Variants in DMD observed in about 807,000 individuals in gnomAD.
DMD encodes dystrophin.
DMD carries 63 observed loss-of-function variants against 330.1 expected under a neutral mutation model. The observed-to-expected ratio is 0.19, with a 90% confidence interval of 0.16 to 0.24. The LOEUF (loss-of-function observed/expected upper bound fraction) is 0.24, where lower values mean the gene tolerates loss of function less well. DMD is among the 10% of genes least tolerant of loss of function. The pLI, the probability that DMD is intolerant of heterozygous loss-of-function variation, is 1.00. For synonymous variants in DMD, 1,223 were observed against 959.8 expected (o/e 1.27, Z -5.07); for missense variants, 3,344 against 2,684.1 (o/e 1.25, Z -5.43).
chrX:32,503,754 C>A (rs1471519451), intron 18 of DMD, among the ~76,000 whole-genome samples: 1 of 110,967 alleles, frequency 9.0e-6, no homozygotes, highest in Non-Finnish European at 1.9e-5. Context: ...CAGGGTTTCA[C>A]CATGTTGGCC....
At chrX:32,384,789 T>C (rs867383361) in intron 33 of DMD, among the ~76,000 whole-genome samples, 2 of 111,195 alleles carry the variant, frequency 1.8e-5, no homozygotes, top group African/African-American at 3.2e-5. Flanking sequence ...GATGTTGTTC[T>C]ATTCACTAAA....
chrX:31,938,370 A>C lies in DMD; in HGVS notation c.6615-6143T>G, dbSNP rs753285549. Among the ~76,000 whole-genome samples the C allele has an allele frequency of 2.1e-3, 237 of 112,182 alleles. 2 individuals carry two copies. Among genetic ancestry groups the C allele is most frequent in the African/African-American group, 7.4e-3 (228 of 30,951 alleles). On this transcript the variant is annotated intron_variant, in intron 45 of 78. Coordinates refer to ENST00000357033, the MANE Select transcript of DMD (RefSeq NM_004006.3). The stretch of plus-strand genomic sequence containing the variant: ...TCCAAGTTTTTTGATCACCTTTAAC[A>C]TAGAAACTTTAGAAAATGGAGATAC...
At chrX:32,156,365 C>T (rs1459269527) in intron 44 of DMD, among the ~76,000 whole-genome samples, 1 of 111,989 alleles carries the variant, frequency 8.9e-6, no homozygotes, top group African/African-American at 3.2e-5. Flanking sequence ...GGCGACAGAG[C>T]GAGACTTCGT....
chrX:32,645,089 C>G lies in DMD; in HGVS notation c.1024G>C (p.Asp342His). The G allele has an allele frequency of 8.3e-7, 1 of 1,211,460 alleles. No homozygotes were observed. Among genetic ancestry groups the G allele is most frequent in the Non-Finnish European group, 1.1e-6 (1 of 895,424 alleles). Residue 342 changes from aspartate to histidine, a missense_variant, in exon 10 of 79, where the codon GAC becomes CAC. Asp to His is a moderately conservative substitution (Grantham distance 81). Coordinates refer to ENST00000357033, the MANE Select transcript of DMD (RefSeq NM_004006.3). ...SSLMESEVNL[D>H]RYQTALEEVL... ...TCTTCTAAAGCTGTTTGATAACGGT[C>G]CAGGTTTACTTCACTCTCCATCAAT...
In DMD at chrX:31,603,208, T is replaced by C. The variant is rs1001616074; in HGVS notation, c.8217+24465A>G. On this transcript the variant is annotated intron_variant, in intron 55 of 78. Transcript: ENST00000357033. Reference sequence around the variant, plus strand: ...ATAGCTAAACCATTTCCAGCCATGATTGGCCAAACCCTACCAAACTGCAGC... The same window carrying C: ...ATAGCTAAACCATTTCCAGCCATGACTGGCCAAACCCTACCAAACTGCAGC... Among the ~76,000 whole-genome samples, 6 of 110,846 alleles carry C rather than the reference T, an allele frequency of 5.4e-5. No individual in the cohort carries two copies. The East Asian group carries it at 1.1e-3, about 21-fold the overall frequency.
intron 1 of DMD, among the ~76,000 whole-genome samples, chrX:33,299,394 C>G (rs140553802): frequency 0.051 from 5,725 of 111,187 alleles, 220 homozygotes; most frequent in Admixed American, 0.17. Flanking sequence ...ATTACATGAG[C>G]TAATGTTTAT....
At chrX:33,061,194 C>G (rs1423599424) in intron 1 of DMD, among the ~76,000 whole-genome samples, 1 of 112,134 alleles carries the variant, frequency 8.9e-6, no homozygotes, top group African/African-American at 3.2e-5. Context: ...GCTCTTGTTA[C>G]GTTATTCTCT....
chrX:31,221,975 A>G (rs12849351), intron 64 of DMD, among the ~76,000 whole-genome samples: 55,526 of 109,039 alleles, frequency 0.51, 12,688 homozygotes, highest in African/African-American at 0.9. Flanking sequence ...GGCGGATCAC[A>G]AGGTCAGGAG....
intron 34 of DMD, among the ~76,000 whole-genome samples, chrX:32,367,284 T>A (rs2147284145): frequency 9.0e-6 from 1 of 111,576 alleles, no homozygotes; most frequent in African/African-American, 3.3e-5. Flanking sequence ...GGTAGAGAAG[T>A]CCCCATCCTT....
chrX:32,731,349 T>A (rs2067613744), intron 7 of DMD, among the ~76,000 whole-genome samples: 1 of 112,382 alleles, frequency 8.9e-6, no homozygotes, highest in South Asian at 3.7e-4. Flanking sequence ...GCACCCGCCA[T>A]TGCCTAGGCT....
intron 51 of DMD, among the ~76,000 whole-genome samples, chrX:31,750,133 A>G (rs770742896): frequency 7.0e-4 from 77 of 110,098 alleles, no homozygotes; most frequent in African/African-American, 2.5e-3. Context: ...TGCTGTGCAG[A>G]AGCTCTTTAG....
intron 29 of DMD, among the ~76,000 whole-genome samples, chrX:32,422,422 C>T (rs1252401910): frequency 1.8e-5 from 2 of 111,287 alleles, no homozygotes. Context: ...TTGAGAAGGT[C>T]TATGAAGACC....
At chrX:32,096,193 C>T (rs999542570) in intron 44 of DMD, among the ~76,000 whole-genome samples, 1 of 111,662 alleles carries the variant, frequency 9.0e-6, no homozygotes, top group Non-Finnish European at 1.9e-5. Flanking sequence ...TTTAATCATC[C>T]CCCAAACCTC....
Position 32,054,132 on chromosome X carries a change from AGAG to A in DMD, c.6439-85621_6439-85619del, listed in dbSNP as rs1365477963. ...GAGAGAGAGAGAGAGAGAGAGAGAG[AGAG>A]AAGAGGACTGAGGAACCAAAAAGAA... On this transcript the variant is annotated intron_variant, in intron 44 of 78. Coordinates refer to ENST00000357033, the MANE Select transcript of DMD (RefSeq NM_004006.3). Among the ~76,000 whole-genome samples, 619 of 100,460 alleles carry A rather than the reference AGAG, an allele frequency of 6.2e-3. 6 individuals are homozygous for A. The highest frequency in any genetic ancestry group is 0.011 in the Non-Finnish European group (540 of 50,005). 87.2% of individuals were successfully genotyped at this position (100,460 alleles called of 115,157 possible). A position where few individuals can be genotyped will look rare whatever the true frequency, so the allele number is the denominator to read the frequency against.
intron 1 of DMD, among the ~76,000 whole-genome samples, chrX:33,151,352 CTT>C (rs1399723103): frequency 8.9e-6 from 1 of 112,533 alleles, no homozygotes; most frequent in Non-Finnish European, 1.9e-5. Flanking sequence ...TAGCTGCTGA[CTT>C]TTCACTAATG....
intron 1 of DMD, among the ~76,000 whole-genome samples, chrX:33,144,204 C>T (rs775305292): frequency 1.8e-5 from 2 of 110,767 alleles, no homozygotes; most frequent in South Asian, 3.8e-4. Context: ...TGTTCTCACG[C>T]GTATGTGGGA....
At chrX:32,059,111 T>C (rs1469274961) in intron 44 of DMD, among the ~76,000 whole-genome samples, 2 of 111,063 alleles carry the variant, frequency 1.8e-5, no homozygotes, top group African/African-American at 3.3e-5. Flanking sequence ...GGTGAGATGC[T>C]GTGCAATGGG....
chrX:32,896,603 C>T (rs2085743482), intron 2 of DMD, among the ~76,000 whole-genome samples: 1 of 111,612 alleles, frequency 9.0e-6, no homozygotes, highest in African/African-American at 3.3e-5. Context: ...ATTGGTGTCA[C>T]GTAACACTCC....
intron 63 of DMD, among the ~76,000 whole-genome samples, chrX:31,257,299 T>A (rs1269091974): frequency 9.3e-5 from 10 of 107,985 alleles, no homozygotes; most frequent in Non-Finnish European, 1.9e-4. Flanking sequence ...AAGCAACATC[T>A]TGATATTTTC....
Sources: allele counts gnomAD v4.1 joint callset (sites outside exome capture counted in the v4.1 genomes callset), GRCh38; gene constraint gnomAD v4.1.1; transcripts MANE v1.5; gene names NCBI Gene and HGNC (gene_info 2026-07-23, HGNC 2026-07-21).